FOXN3: variants seen among roughly 807,000 people sequenced by gnomAD.
FOXN3 encodes forkhead box protein N3.
FOXN3 carries 7 observed loss-of-function variants against 38.4 expected under a neutral mutation model. The ratio of observed to expected loss-of-function variants is 0.18; its 90% confidence interval spans 0.10 to 0.34. The LOEUF (loss-of-function observed/expected upper bound fraction) is 0.34. FOXN3 is among the 10% of genes least tolerant of loss of function. The pLI, the probability that FOXN3 is intolerant of heterozygous loss-of-function variation, is 1.00. For missense variants in FOXN3, 456 were observed against 613.4 expected, an observed-to-expected ratio of 0.74 and a Z score of 2.71; for synonymous variants, 230 against 242.2, an observed-to-expected ratio of 0.95 and a Z score of 0.47.
chr14:89,179,490 G>A (rs892396299), intron 5 of FOXN3, among the ~76,000 whole-genome samples: 2 of 152,194 alleles, frequency 1.3e-5, no homozygotes, highest in Non-Finnish European at 2.9e-5. Flanking sequence ...AACGCAGAAG[G>A]AGAGGGATGG....
At chr14:89,273,541 G>C (rs1018861811) in intron 4 of FOXN3, among the ~76,000 whole-genome samples, 1 of 152,202 alleles carries the variant, frequency 6.6e-6, no homozygotes, top group Non-Finnish European at 1.5e-5. Context: ...GGGGAAGAAG[G>C]GGGGTAACTG....
chr14:89,384,745 G>A (rs1222611559), intron 2 of FOXN3, among the ~76,000 whole-genome samples: 1 of 152,122 alleles, frequency 6.6e-6, no homozygotes, highest in African/African-American at 2.4e-5. Context: ...AGCCTGAGCA[G>A]GGAGAATCAT....
At chr14:89,562,634 T>C (rs182583921) in intron 1 of FOXN3, among the ~76,000 whole-genome samples, 199 of 152,260 alleles carry the variant, frequency 1.3e-3, no homozygotes, top group African/African-American at 4.4e-3. Context: ...TCCCCCACAA[T>C]GTGTAGAACA....
At chr14:89,342,222 T>A (rs900745358) in intron 3 of FOXN3, among the ~76,000 whole-genome samples, 1 of 152,194 alleles carries the variant, frequency 6.6e-6, no homozygotes, top group African/African-American at 2.4e-5. Flanking sequence ...AAAATAGATA[T>A]AATCAGCCCA....
At chr14:89,531,050 T>C (rs1326688358) in intron 1 of FOXN3, among the ~76,000 whole-genome samples, 2 of 147,690 alleles carry the variant, frequency 1.4e-5, no homozygotes, top group African/African-American at 4.9e-5. Flanking sequence ...ACATTTATTA[T>C]ATATACACAT....
intron 1 of FOXN3, among the ~76,000 whole-genome samples, chr14:89,562,925 C>T (rs1440591749): frequency 6.6e-6 from 1 of 152,102 alleles, no homozygotes; most frequent in Non-Finnish European, 1.5e-5. Context: ...TTAAGAACCT[C>T]CAGGTTAAAG....
chr14:89,351,448 C>T (rs1024215760), intron 2 of FOXN3: 3 of 152,176 alleles, frequency 2.0e-5, no homozygotes, highest in African/African-American at 4.8e-5. Flanking sequence ...TCCCAGCAAT[C>T]GACTCCAGCC....
Position 89,313,483 on chromosome 14 carries a change from G to A in FOXN3, c.681-32469C>T, listed in dbSNP as rs181052744. On this transcript the variant is annotated intron_variant, in intron 3 of 5. Coordinates refer to ENST00000557258, the MANE Select transcript of FOXN3 (RefSeq NM_005197.4). Reference sequence around the variant, plus strand: ...TGAAGCAGGGGAATCGCTTGAACCTGGGAGGAGAAGGTTGCAGTGAGCCGA... The same window carrying A: ...TGAAGCAGGGGAATCGCTTGAACCTAGGAGGAGAAGGTTGCAGTGAGCCGA... Among the ~76,000 whole-genome samples the A allele has an allele frequency of 3.3e-5, 5 of 152,142 alleles. No individual in the cohort carries two copies. The East Asian group carries it at 9.7e-4, about 29-fold the overall frequency.
At chr14:89,593,107 GGAGA>G (rs894577792) in intron 1 of FOXN3, among the ~76,000 whole-genome samples, 3 of 138,530 alleles carry the variant, frequency 2.2e-5, no homozygotes, top group African/African-American at 5.5e-5. Context: ...AGGAAAGAAA[GGAGA>G]GAGAGAGAAA....
At chr14:89,360,780 ACCAC>A (rs1889502679) in intron 2 of FOXN3, among the ~76,000 whole-genome samples, 9 of 90,338 alleles carry the variant, frequency 1.0e-4, no homozygotes, top group African/African-American at 2.6e-4. Flanking sequence ...CACCTCCACC[ACCAC>A]CTCCACCACC....
intron 1 of FOXN3, among the ~76,000 whole-genome samples, chr14:89,570,702 G>A (rs1170976666): frequency 6.8e-6 from 1 of 147,924 alleles, no homozygotes; most frequent in Non-Finnish European, 1.5e-5. Context: ...TTTTTTTTTA[G>A]CTCATTAGCT....
intron 1 of FOXN3, among the ~76,000 whole-genome samples, chr14:89,618,672 A>G (rs1052465524): frequency 1.3e-5 from 2 of 152,220 alleles, no homozygotes; most frequent in Non-Finnish European, 2.9e-5. Context: ...AAAAGTAATT[A>G]ACAGAATTGC....
chr14:89,589,187 C>T (rs565476954), intron 1 of FOXN3, among the ~76,000 whole-genome samples: 1 of 152,178 alleles, frequency 6.6e-6, no homozygotes, highest in South Asian at 2.1e-4. Flanking sequence ...ATGTGCACTC[C>T]CAGATCATGA....
intron 1 of FOXN3, among the ~76,000 whole-genome samples, chr14:89,582,725 A>G (rs1040303615): frequency 6.6e-6 from 1 of 152,160 alleles, no homozygotes; most frequent in Admixed American, 6.5e-5. Flanking sequence ...AACCATCACC[A>G]TGATCATCAT....
chr14:89,363,988 A>ATATATATT (rs1420813459), intron 2 of FOXN3, among the ~76,000 whole-genome samples: 1 of 52,066 alleles, frequency 1.9e-5, no homozygotes, highest in African/African-American at 8.9e-5. Flanking sequence ...ATATATATAT[A>ATATATATT]ATATATATAT....
At chr14:89,519,121 G>A (rs959562966) in intron 1 of FOXN3, among the ~76,000 whole-genome samples, 5 of 152,146 alleles carry the variant, frequency 3.3e-5, no homozygotes, top group Non-Finnish European at 5.9e-5. Context: ...TGGAGGAAAT[G>A]GTCAAGCTGG....
rs571257730 is a variant in FOXN3, at chr14:89,442,748, C to CACTCCAACCAGCCAGTATTT, written c.-14-30278_-14-30259dup. Among the ~76,000 whole-genome samples, 1,131 of 152,136 alleles carry CACTCCAACCAGCCAGTATTT rather than the reference C, an allele frequency of 7.4e-3. 16 individuals are homozygous for CACTCCAACCAGCCAGTATTT. Among genetic ancestry groups the CACTCCAACCAGCCAGTATTT allele is most frequent in the African/African-American group, 0.026 (1,062 of 41,458 alleles). On this transcript the variant is annotated intron_variant, in intron 1 of 6. Coordinates refer to the FOXN3 transcript ENST00000345097. ...AGTTTTACCCCAACCAGCCAGTCTT[C>CACTCCAACCAGCCAGTATTT]ACTCCAACCAGCCAGTATTTACTCC...
chr14:89,479,426 A>C (rs1893278436), intron 1 of FOXN3, among the ~76,000 whole-genome samples: 1 of 152,216 alleles, frequency 6.6e-6, no homozygotes, highest in Non-Finnish European at 1.5e-5. Flanking sequence ...TAGTTAGTGC[A>C]ATTCCAAAAT....
In FOXN3 at chr14:89,426,215, ATTTTTT is replaced by A. The variant is rs33964198; in HGVS notation, c.-14-13731_-14-13726del. ...GACCACAAAAGCACCAGGAGTACTG[ATTTTTT>A]TTTTTTTTTTTTTTTTTTTTGAGAC... On this transcript the variant is annotated intron_variant, in intron 1 of 6. Coordinates refer to the FOXN3 transcript ENST00000345097. Among the ~76,000 whole-genome samples the A allele has an allele frequency of 3.9e-4, 30 of 77,564 alleles. 2 individuals carry two copies. The Admixed American group carries it at 4.9e-3, about 13-fold the overall frequency. The allele number at this position is 77,564 out of a possible 152,430, so 50.9% of individuals were successfully genotyped here.
Sources: allele counts gnomAD v4.1 joint callset (sites outside exome capture counted in the v4.1 genomes callset), GRCh38; gene constraint gnomAD v4.1.1; transcripts MANE v1.5; gene names NCBI Gene and HGNC (gene_info 2026-07-23, HGNC 2026-07-21).